Variants in SLC25A26 observed in about 807,000 individuals in gnomAD.
SLC25A26 encodes solute carrier family 25 member 26.
Under a neutral mutation model 37.8 loss-of-function variants are expected in SLC25A26, and 36 were observed. That is an observed-to-expected ratio of 0.95 (90% confidence interval 0.73 to 1.26). The LOEUF (loss-of-function observed/expected upper bound fraction) is 1.26. Ranked by LOEUF, SLC25A26 falls within the 50% of genes most tolerant of loss-of-function variation. SLC25A26 has a pLI of 0.00. For synonymous variants in SLC25A26, 129 were observed against 122.5 expected, an observed-to-expected ratio of 1.05 and a Z score of -0.35; for missense variants, 390 against 331.1, an observed-to-expected ratio of 1.18 and a Z score of -1.38.
At chr3:66,236,474 C>T in intron 1 of SLC25A26, 70 bp from the exon 2 acceptor site, 4 of 1,273,948 alleles carry the variant, frequency 3.1e-6, no homozygotes, top group Non-Finnish European at 4.2e-6. Flanking sequence ...ATCTTCGCCC[C>T]CAAGTGGCCG....
chr3:66,143,139 A>T (rs932746898), intron 1 of SLC25A26, among the ~76,000 whole-genome samples: 1 of 151,808 alleles, frequency 6.6e-6, no homozygotes, highest in Middle Eastern at 3.2e-3. Context: ...CTCCTCTCCT[A>T]CAATTTTCTT....
chr3:66,163,210 C>G (rs934552377), intron 1 of SLC25A26, among the ~76,000 whole-genome samples: 3 of 152,212 alleles, frequency 2.0e-5, no homozygotes, highest in Non-Finnish European at 2.9e-5. Context: ...GAGAAAACCC[C>G]AGTGACTTAA....
chr3:66,139,670 C>T (rs993560144), intron 1 of SLC25A26, among the ~76,000 whole-genome samples: 7 of 152,086 alleles, frequency 4.6e-5, no homozygotes, highest in Non-Finnish European at 7.4e-5. Context: ...TACAGATGGT[C>T]GGCTGCAGTG....
intron 3 of SLC25A26, among the ~76,000 whole-genome samples, chr3:66,248,504 C>G (rs782410505): frequency 3.3e-5 from 5 of 152,094 alleles, no homozygotes; most frequent in Non-Finnish European, 4.4e-5. Context: ...TAGTGATTTT[C>G]TTTTCTTCAA....
intron 1 of SLC25A26, among the ~76,000 whole-genome samples, chr3:66,201,426 C>G (rs1162354891): frequency 6.6e-6 from 1 of 152,000 alleles, no homozygotes; most frequent in African/African-American, 2.4e-5. Flanking sequence ...TCAGTCTCCC[C>G]AGGCTCAGGT....
intron 3 of SLC25A26, among the ~76,000 whole-genome samples, chr3:66,260,266 CA>C (rs2073473245): frequency 6.6e-6 from 1 of 152,096 alleles, no homozygotes; most frequent in Non-Finnish European, 1.5e-5. Flanking sequence ...GCCAGGGCAT[CA>C]TCTTAGTCTT....
Position 66,316,063 on chromosome 3 carries a change from C to G in SLC25A26, c.454-30301C>G, listed in dbSNP as rs2075530202. ...CACAGCAATGGATCTTGACTCTTTA[C>G]TCCAGTTTGCCATTCTGTGCCTTTT... On this transcript the variant is annotated intron_variant, in intron 5 of 9. Coordinates refer to ENST00000354883, the MANE Select transcript of SLC25A26 (RefSeq NM_001379210.1). Among the ~76,000 whole-genome samples, 3 of 152,194 alleles carry G rather than the reference C, an allele frequency of 2.0e-5. No homozygotes were observed. The South Asian group carries it at 6.2e-4, about 31-fold the overall frequency.
chr3:66,155,984 T>A (rs756178112), intron 1 of SLC25A26, among the ~76,000 whole-genome samples: 1 of 152,112 alleles, frequency 6.6e-6, no homozygotes, highest in Non-Finnish European at 1.5e-5. Context: ...TCTAAAAAAA[T>A]GATGAATGTC....
chr3:66,253,426 T>C (rs911154055), intron 3 of SLC25A26, among the ~76,000 whole-genome samples: 2 of 144,750 alleles, frequency 1.4e-5, no homozygotes, highest in African/African-American at 5.1e-5. Context: ...AATGTTGAGG[T>C]GGAAAGAGTT....
intron 5 of SLC25A26, among the ~76,000 whole-genome samples, chr3:66,297,760 C>T (rs1375307483): frequency 6.6e-6 from 1 of 152,168 alleles, no homozygotes; most frequent in Non-Finnish European, 1.5e-5. Context: ...GTAACAGAGA[C>T]TGTATGGACC....
At chr3:66,276,084 A>G (rs1576773079) in intron 5 of SLC25A26, among the ~76,000 whole-genome samples, 1 of 152,164 alleles carries the variant, frequency 6.6e-6, no homozygotes, top group African/African-American at 2.4e-5. Flanking sequence ...GGAAATTAAA[A>G]TGTTTATCTG....
At chr3:66,195,816 C>T (rs2071036440) in intron 1 of SLC25A26, among the ~76,000 whole-genome samples, 1 of 152,148 alleles carries the variant, frequency 6.6e-6, no homozygotes, top group South Asian at 2.1e-4. Context: ...ACAAAAGAAA[C>T]CTCTATTGAT....
intron 5 of SLC25A26, among the ~76,000 whole-genome samples, chr3:66,328,536 C>T (rs1437160965): frequency 1.3e-5 from 2 of 152,178 alleles, no homozygotes; most frequent in East Asian, 3.9e-4. Flanking sequence ...AAAGGTCTGT[C>T]AGGTGATCCA....
At chr3:66,264,814 T>C (rs1161948110) in intron 5 of SLC25A26, among the ~76,000 whole-genome samples, 1 of 152,174 alleles carries the variant, frequency 6.6e-6, no homozygotes, top group Admixed American at 6.5e-5. Flanking sequence ...TAACAAAATA[T>C]GAGCTGGGAA....
chr3:66,229,316 AG>A (rs1553662192), intron 1 of SLC25A26, among the ~76,000 whole-genome samples: 1 of 152,140 alleles, frequency 6.6e-6, no homozygotes, highest in African/African-American at 2.4e-5. Flanking sequence ...AGGCTTAGAG[AG>A]GTTAGTTTCC....
chr3:66,220,875 G>T, upstream of SLC25A26: 1 of 596,560 alleles, frequency 1.7e-6, no homozygotes, highest in Non-Finnish European at 2.9e-6. Context: ...GATTTGCCGA[G>T]ACTTAGCTCC....
At chr3:66,173,494 G>A (rs1179310458) in intron 1 of SLC25A26, among the ~76,000 whole-genome samples, 1 of 152,168 alleles carries the variant, frequency 6.6e-6, no homozygotes, top group Non-Finnish European at 1.5e-5. Flanking sequence ...GGATGTTTAA[G>A]CTTGCTAGGC....
chr3:66,332,315 G>C (rs2075995274), intron 5 of SLC25A26, among the ~76,000 whole-genome samples: 1 of 152,028 alleles, frequency 6.6e-6, no homozygotes, highest in South Asian at 2.1e-4. Flanking sequence ...TCCTTTGACA[G>C]TTTCATACTT....
upstream of SLC25A26, among the ~76,000 whole-genome samples, chr3:66,218,382 T>C (rs952266297): frequency 2.0e-5 from 3 of 152,254 alleles, no homozygotes; most frequent in Admixed American, 1.3e-4. Context: ...GGTTGTACCA[T>C]ATAAAATTCG....
Sources: gnomAD v4.1 joint callset for allele counts (sites outside exome capture counted in the v4.1 genomes callset) on GRCh38, gnomAD v4.1.1 for gene constraint, MANE v1.5 for transcripts, NCBI Gene and HGNC (gene_info 2026-07-23, HGNC 2026-07-21) for gene names.